Variants in SHROOM3 observed in about 807,000 individuals in gnomAD.
The protein encoded by SHROOM3 is protein Shroom3.
In SHROOM3, 47 loss-of-function variants were observed where a neutral mutation model predicts 138.6. The observed-to-expected ratio is 0.34, with a 90% CI of 0.27 to 0.43. The LOEUF (loss-of-function observed/expected upper bound fraction) is 0.43. SHROOM3 is among the 20% of genes least tolerant of loss of function. The probability of loss-of-function intolerance (pLI) is 1.00; values close to 1 mark genes in which losing one functional copy is unlikely to be tolerated. For synonymous variants in SHROOM3, 1,062 were observed against 1,063.3 expected (o/e 1.00, Z 0.02); for missense variants, 2,491 against 2,596.5 (o/e 0.96, Z 0.88).
intron 1 of SHROOM3, among the ~76,000 whole-genome samples, chr4:76,539,914 C>T (rs1178697330): frequency 6.6e-6 from 1 of 152,234 alleles, no homozygotes; most frequent in Non-Finnish European, 1.5e-5. Context: ...GTGGTTCAAT[C>T]TCAGCTCACT....
At chr4:76,655,401 C>G (rs557645032) in intron 2 of SHROOM3, among the ~76,000 whole-genome samples, 14 of 152,306 alleles carry the variant, frequency 9.2e-5, no homozygotes, top group African/African-American at 3.1e-4. Flanking sequence ...CCATTACATT[C>G]TGGGCCAATA....
intron 2 of SHROOM3, among the ~76,000 whole-genome samples, chr4:76,583,090 T>C (rs1028173960): frequency 6.6e-6 from 1 of 152,142 alleles, no homozygotes; most frequent in Non-Finnish European, 1.5e-5. Flanking sequence ...AGAACTCAGA[T>C]GTAGAGAAAG....
intron 2 of SHROOM3, among the ~76,000 whole-genome samples, chr4:76,582,043 G>A (rs1366859426): frequency 6.6e-6 from 1 of 152,188 alleles, no homozygotes; most frequent in African/African-American, 2.4e-5. Flanking sequence ...ATAAATGCCA[G>A]CCATTGCTCT....
At chr4:76,727,675 G>A (rs1462767297) in intron 3 of SHROOM3, among the ~76,000 whole-genome samples, 2 of 152,100 alleles carry the variant, frequency 1.3e-5, no homozygotes, top group South Asian at 2.1e-4. Context: ...AGATCACAAG[G>A]TCAGGAGTTC....
At chr4:76,633,690 C>T (rs1167800196) in intron 2 of SHROOM3, among the ~76,000 whole-genome samples, 1 of 148,482 alleles carries the variant, frequency 6.7e-6, no homozygotes, top group East Asian at 2.0e-4. Flanking sequence ...AAAAGAAATT[C>T]TGCAACACAC....
intron 2 of SHROOM3, among the ~76,000 whole-genome samples, chr4:76,659,999 G>A (rs1736148703): frequency 6.6e-6 from 1 of 152,168 alleles, no homozygotes; most frequent in Non-Finnish European, 1.5e-5. Context: ...TATTCCCAGA[G>A]GCTGTGCTCA....
chr4:76,768,213 T>C (rs1247301046), intron 9 of SHROOM3, among the ~76,000 whole-genome samples: 2 of 152,220 alleles, frequency 1.3e-5, no homozygotes. Flanking sequence ...CCAGCAGGAA[T>C]GCTGGGAGAC....
intron 2 of SHROOM3, among the ~76,000 whole-genome samples, chr4:76,612,934 C>A (rs963534831): frequency 9.9e-5 from 15 of 152,234 alleles, no homozygotes; most frequent in African/African-American, 3.1e-4. Flanking sequence ...AGAACAAGAC[C>A]CTGTCTCTAA....
intron 2 of SHROOM3, among the ~76,000 whole-genome samples, chr4:76,695,375 AG>A (rs1719695530): frequency 6.6e-6 from 1 of 152,210 alleles, no homozygotes; most frequent in African/African-American, 2.4e-5. Flanking sequence ...AGGTCTATGT[AG>A]GGATGGACAT....
chr4:76,444,907 G>A (rs1730773727), intron 1 of SHROOM3, among the ~76,000 whole-genome samples: 1 of 151,284 alleles, frequency 6.6e-6, no homozygotes, highest in South Asian at 2.1e-4. Flanking sequence ...AACCAGCTTG[G>A]GCAACATGGC....
chr4:76,480,867 C>T (rs1385394851), intron 1 of SHROOM3, among the ~76,000 whole-genome samples: 1 of 152,162 alleles, frequency 6.6e-6, no homozygotes, highest in East Asian at 1.9e-4. Context: ...ACTGAACAAC[C>T]TGCTCCTGAA....
At chr4:76,564,338 G>C (rs1177847350) in intron 2 of SHROOM3, among the ~76,000 whole-genome samples, 1 of 152,156 alleles carries the variant, frequency 6.6e-6, no homozygotes, top group African/African-American at 2.4e-5. Context: ...GGAGAGGAAG[G>C]AGGCAGCTGC....
At chr4:76,624,478 A>T (rs1402160086) in intron 2 of SHROOM3, among the ~76,000 whole-genome samples, 2 of 152,188 alleles carry the variant, frequency 1.3e-5, no homozygotes, top group South Asian at 2.1e-4. Flanking sequence ...CATGAGCAAC[A>T]TTTGCTCCAG....
At chr4:76,757,039 C>T in intron 8 of SHROOM3, 102 bp downstream of exon 8, 16 of 1,574,926 alleles carry the variant, frequency 1.0e-5, no homozygotes, top group Non-Finnish European at 1.4e-5. Context: ...CCTACTGCCA[C>T]AGCTCCTGAA....
At chr4:76,578,865 G>A (rs1347124847) in intron 2 of SHROOM3, among the ~76,000 whole-genome samples, 2 of 152,294 alleles carry the variant, frequency 1.3e-5, no homozygotes, top group South Asian at 2.1e-4. Context: ...TTTTTAATAA[G>A]CCTCACTGAA....
chr4:76,664,662 A>G lies in SHROOM3; in HGVS notation c.324-45494A>G, dbSNP rs1035824434. On this transcript the variant is annotated intron_variant, in intron 2 of 10. Coordinates refer to ENST00000296043, the MANE Select transcript of SHROOM3 (RefSeq NM_020859.4). The surrounding 1 kb of genome is among the most constrained non-coding windows in gnomAD (Gnocchi z 4.2). ...AACAGACACACACATACTCACATAC[A>G]TTAAATTTGTCATCTTAACCAGTTT... is the stretch of plus-strand genomic sequence containing the variant. Among the ~76,000 whole-genome samples the G allele has an allele frequency of 2.6e-5, 4 of 152,234 alleles. No individual in the cohort carries two copies. Among genetic ancestry groups the G allele is most frequent in the Non-Finnish European group, 5.9e-5 (4 of 68,040 alleles).
intron 2 of SHROOM3, among the ~76,000 whole-genome samples, chr4:76,653,281 G>A (rs1735999391): frequency 6.6e-6 from 1 of 151,878 alleles, no homozygotes. Flanking sequence ...TGCTGTTACT[G>A]TTTGGGGTTG....
At position 76,781,232 on chromosome 4, in the gene SHROOM3, A is replaced by G. The variant is rs1242667847; in HGVS notation, c.*2055A>G. Reference sequence around the variant, plus strand: ...AGTCTGAACCTCTGAGGCTCAAGCCATCCTCCCATCTCAGCCTCCCAAGTA... The same window carrying G: ...AGTCTGAACCTCTGAGGCTCAAGCCGTCCTCCCATCTCAGCCTCCCAAGTA... On this transcript the variant is annotated 3_prime_UTR_variant, in exon 11 of 11. Coordinates refer to ENST00000296043, the MANE Select transcript of SHROOM3 (RefSeq NM_020859.4). 6.6e-6 allele frequency: 1 copy of G among 152,114 alleles called. No individual in the cohort carries two copies. The highest frequency in any genetic ancestry group is 1.5e-5 in the Non-Finnish European group (1 of 68,098). The allele number at this position is 152,114 out of a possible 1,614,324, so 9.4% of individuals were successfully genotyped here. A position where few individuals can be genotyped will look rare whatever the true frequency, so the allele number is the denominator to read the frequency against.
At chr4:76,506,377 T>C (rs1641098482) in intron 1 of SHROOM3, among the ~76,000 whole-genome samples, 1 of 151,970 alleles carries the variant, frequency 6.6e-6, no homozygotes, top group Non-Finnish European at 1.5e-5. Flanking sequence ...TAAAGTATGA[T>C]AAAAAACAAA....
Sources: allele counts gnomAD v4.1 joint callset (sites outside exome capture counted in the v4.1 genomes callset), GRCh38; gene constraint gnomAD v4.1.1; non-coding constraint Gnocchi (gnomAD v3.1); transcripts MANE v1.5; gene names NCBI Gene and HGNC (gene_info 2026-07-23, HGNC 2026-07-21).